The following CPA6 variants were observed in gnomAD, a reference collection of about 807,000 sequenced individuals.
The protein encoded by CPA6 is carboxypeptidase B.
Under a neutral mutation model 63.3 loss-of-function variants are expected in CPA6, and 58 were observed. The ratio of observed to expected loss-of-function variants is 0.92; its 90% confidence interval spans 0.74 to 1.14. The LOEUF (loss-of-function observed/expected upper bound fraction) is 1.14. Among genes scored for constraint, CPA6 ranks in the 50% most tolerant of loss-of-function variants. The pLI, the probability that CPA6 is intolerant of heterozygous loss-of-function variation, is 0.00. For synonymous variants in CPA6, 185 were observed against 179.0 expected (o/e 1.03, Z -0.27); for missense variants, 565 against 526.6 (o/e 1.07, Z -0.71).
At chr8:67,647,940 A>G (rs988827723) in intron 1 of CPA6, among the ~76,000 whole-genome samples, 2 of 152,202 alleles carry the variant, frequency 1.3e-5, no homozygotes, top group Non-Finnish European at 2.9e-5. Context: ...AGTAGGGTAT[A>G]GAAGCATCTG....
intron 8 of CPA6, among the ~76,000 whole-genome samples, chr8:67,462,070 T>C (rs1204374454): frequency 3.3e-5 from 5 of 152,212 alleles, no homozygotes; most frequent in East Asian, 1.9e-4. Flanking sequence ...CCAATGGACA[T>C]ACATGGGATG....
intron 1 of CPA6, among the ~76,000 whole-genome samples, chr8:67,731,529 G>C (rs1817704753): frequency 6.6e-6 from 1 of 152,252 alleles, no homozygotes; most frequent in Non-Finnish European, 1.5e-5. Flanking sequence ...AGCAAGCTGA[G>C]CTCGGCTCAG....
intron 1 of CPA6, among the ~76,000 whole-genome samples, chr8:67,678,115 G>A (rs1816516415): frequency 6.6e-6 from 1 of 151,702 alleles, no homozygotes; most frequent in South Asian, 2.1e-4. Flanking sequence ...GTAGTCCCAG[G>A]TACTTGGGAG....
intron 2 of CPA6, among the ~76,000 whole-genome samples, chr8:67,615,446 C>A (rs1814920927): frequency 6.6e-6 from 1 of 151,824 alleles, no homozygotes; most frequent in Non-Finnish European, 1.5e-5. Context: ...TAACAAAGCA[C>A]AAATCATTCC....
At chr8:67,712,011 GC>G (rs1373380777) in intron 1 of CPA6, among the ~76,000 whole-genome samples, 3 of 152,040 alleles carry the variant, frequency 2.0e-5, no homozygotes, top group Admixed American at 6.6e-5. Flanking sequence ...CCTCCTATCT[GC>G]CCCCTCCCGC....
In CPA6 at chr8:67,487,275, A is replaced by G. The variant is rs566589040; in HGVS notation, c.637-2486T>C. On this transcript the variant is annotated intron_variant, in intron 6 of 10. Transcript: ENST00000297770. ...TGTGTCCAAGTGCTCTCATTATTCA[A>G]TTCCCACCTGAGTGAGAACATGTGG... 1.4e-4 allele frequency among the ~76,000 whole-genome samples: 21 copies of G among 152,106 alleles called. 1 individual carries two copies. In the South Asian group the frequency reaches 4.2e-3, roughly 30 times the overall value.
chr8:67,513,961 GA>G (rs893263196), intron 3 of CPA6, among the ~76,000 whole-genome samples: 14 of 150,072 alleles, frequency 9.3e-5, no homozygotes, highest in African/African-American at 3.0e-4. Flanking sequence ...TCAAAACATA[GA>G]AAATTTTTTT....
At chr8:67,432,921 C>T (rs1296319902) in intron 9 of CPA6, among the ~76,000 whole-genome samples, 1 of 152,194 alleles carries the variant, frequency 6.6e-6, no homozygotes, top group African/African-American at 2.4e-5. Flanking sequence ...GAACCCCCTA[C>T]TTGCTACTGG....
chr8:67,517,854 T>A, intron 3 of CPA6, 69 bp downstream of exon 3: 1 of 1,445,110 alleles, frequency 6.9e-7, no homozygotes. Flanking sequence ...ATAAATAACC[T>A]AAATACAACT....
chr8:67,492,494 A>G (rs967457523), intron 6 of CPA6, among the ~76,000 whole-genome samples: 2 of 152,212 alleles, frequency 1.3e-5, no homozygotes, highest in African/African-American at 4.8e-5. Context: ...TTACAAAGAA[A>G]TAAGACATTT....
intron 1 of CPA6, among the ~76,000 whole-genome samples, chr8:67,702,693 C>T (rs1246895179): frequency 1.3e-5 from 2 of 152,130 alleles, no homozygotes; most frequent in Non-Finnish European, 2.9e-5. Context: ...GGAAAAACGC[C>T]TCAAGTGAGT....
At position 67,578,785 on chromosome 8, in the gene CPA6, CTT is replaced by C. The variant is rs1298469169; in HGVS notation, c.192+45389_192+45390del. On this transcript the variant is annotated intron_variant, in intron 2 of 10. Transcript: ENST00000297770. ...TAATTAAAAACATCATTTTCATTAA[CTT>C]AAGTTCAGCATATAAATCTTATTAA... is the stretch of plus-strand genomic sequence containing the variant. Among the ~76,000 whole-genome samples, 9 of 152,274 alleles carry C rather than the reference CTT, an allele frequency of 5.9e-5. No individual in the cohort carries two copies. The East Asian group carries it at 1.4e-3, about 23-fold the overall frequency.
intron 2 of CPA6, among the ~76,000 whole-genome samples, chr8:67,572,217 T>A (rs1323204656): frequency 1.3e-5 from 2 of 152,192 alleles, no homozygotes; most frequent in Non-Finnish European, 2.9e-5. Flanking sequence ...TTGAATATGG[T>A]TTGTTTATTC....
At chr8:67,538,833 G>A (rs888460511) in intron 2 of CPA6, among the ~76,000 whole-genome samples, 18 of 151,920 alleles carry the variant, frequency 1.2e-4, no homozygotes, top group Non-Finnish European at 5.9e-5. Context: ...CTAATTTTTT[G>A]TATTTTTAGT....
intron 1 of CPA6, among the ~76,000 whole-genome samples, chr8:67,654,694 A>T (rs1815941297): frequency 6.6e-6 from 1 of 152,144 alleles, no homozygotes; most frequent in African/African-American, 2.4e-5. Context: ...CGATGAAGAG[A>T]GTTTTGTACA....
intron 1 of CPA6, among the ~76,000 whole-genome samples, chr8:67,744,669 C>A (rs893468449): frequency 3.3e-5 from 5 of 152,138 alleles, no homozygotes. Flanking sequence ...CCCCCACAAC[C>A]CAAGCCTGCA....
At chr8:67,744,140 A>G (rs1355997710) in intron 1 of CPA6, among the ~76,000 whole-genome samples, 2 of 152,222 alleles carry the variant, frequency 1.3e-5, no homozygotes, top group African/African-American at 4.8e-5. Flanking sequence ...TGTCTAATGA[A>G]GGTAGAATTC....
At chr8:67,592,032 A>G (rs1169331580) in intron 2 of CPA6, among the ~76,000 whole-genome samples, 1 of 152,158 alleles carries the variant, frequency 6.6e-6, no homozygotes, top group Non-Finnish European at 1.5e-5. Context: ...TTTGTCATAG[A>G]TAGCTCTTAT....
At chr8:67,430,087 A>T (rs1338188411) in intron 9 of CPA6, among the ~76,000 whole-genome samples, 1 of 150,792 alleles carries the variant, frequency 6.6e-6, no homozygotes, top group Non-Finnish European at 1.5e-5. Context: ...AAAAGTACCT[A>T]GGCATCAGTT....
Sources: gnomAD v4.1 joint callset for allele counts (sites outside exome capture counted in the v4.1 genomes callset) on GRCh38, gnomAD v4.1.1 for gene constraint, MANE v1.5 for transcripts, NCBI Gene and HGNC (gene_info 2026-07-23, HGNC 2026-07-21) for gene names.